The following FHIT variants were observed in gnomAD, a reference collection of about 807,000 sequenced individuals.
The protein encoded by FHIT is bis(5'-adenosyl)-triphosphatase.
Under a neutral mutation model 17.9 loss-of-function variants are expected in FHIT, and 19 were observed. The ratio of observed to expected loss-of-function variants is 1.06; its 90% confidence interval spans 0.74 to 1.56. The LOEUF is 1.56. FHIT is among the 40% of genes most tolerant of loss of function. The pLI is 0.00. For missense variants in FHIT, 248 were observed against 189.2 expected, an observed-to-expected ratio of 1.31 and a Z score of -1.82; for synonymous variants, 81 against 69.7, an observed-to-expected ratio of 1.16 and a Z score of -0.81.
Position 60,619,170 on chromosome 3 carries a change from TCC to T in FHIT, c.-17-82193_-17-82192del, listed in dbSNP as rs1553677242. 7.7e-3 allele frequency among the ~76,000 whole-genome samples: 1,176 copies of T among 152,326 alleles called. 23 individuals carry two copies. Among genetic ancestry groups the T allele is most frequent in the African/African-American group, 0.026 (1,080 of 41,568 alleles). On this transcript the variant is annotated intron_variant, in intron 4 of 9. Coordinates refer to ENST00000492590, the MANE Select transcript of FHIT (RefSeq NM_002012.4). ...CAATCCTTTAGTATCATGTATTTTTTCCTCTTACAAGAGTAATTACATTTAAA... is the reference window on the plus strand; with the variant it reads ...CAATCCTTTAGTATCATGTATTTTTTTCTTACAAGAGTAATTACATTTAAA...
At chr3:60,480,718 G>A (rs1169910101) in intron 5 of FHIT, among the ~76,000 whole-genome samples, 1 of 152,198 alleles carries the variant, frequency 6.6e-6, no homozygotes, top group Non-Finnish European at 1.5e-5. Flanking sequence ...TCCAGGGCAT[G>A]CTCATGCAGG....
At chr3:60,222,420 C>T (rs1320442835) in intron 5 of FHIT, among the ~76,000 whole-genome samples, 1 of 152,160 alleles carries the variant, frequency 6.6e-6, no homozygotes, top group Non-Finnish European at 1.5e-5. Context: ...TCACTCAATG[C>T]TCTTTTCACC....
At chr3:60,147,583 G>A (rs1484590614) in intron 5 of FHIT, among the ~76,000 whole-genome samples, 1 of 152,040 alleles carries the variant, frequency 6.6e-6, no homozygotes, top group African/African-American at 2.4e-5. Flanking sequence ...TTCACTGCTT[G>A]GTCACAGAAT....
intron 2 of FHIT, among the ~76,000 whole-genome samples, chr3:61,198,144 C>T (rs2038907177): frequency 1.3e-5 from 2 of 151,914 alleles, no homozygotes. Flanking sequence ...AATGAGGGTT[C>T]TGTAGTTGCA....
intron 4 of FHIT, among the ~76,000 whole-genome samples, chr3:60,731,772 G>A (rs546481868): frequency 6.6e-6 from 1 of 152,186 alleles, no homozygotes; most frequent in Admixed American, 6.5e-5. Context: ...GTTCCCTGGT[G>A]CCAGCTGCAA....
At chr3:60,121,522 C>T (rs1048068334) in intron 5 of FHIT, among the ~76,000 whole-genome samples, 1 of 151,832 alleles carries the variant, frequency 6.6e-6, no homozygotes, top group African/African-American at 2.4e-5. Flanking sequence ...CCCATCTCTA[C>T]CAAACATAAA....
rs2108088905 is a variant in FHIT at position 60,778,067 on chromosome 3, A to G, written c.-18+43852T>C. Among the ~76,000 whole-genome samples the G allele has an allele frequency of 1.3e-5, 2 of 152,316 alleles. 1 individual carries two copies. Among genetic ancestry groups the G allele is most frequent in the South Asian group, 4.1e-4 (2 of 4,826 alleles). On this transcript the variant is annotated intron_variant, in intron 4 of 9. Transcript: ENST00000492590. ...AGAATTATTTGACATGTTTAGGTAC[A>G]TGGGATTGCCAAAATGATGCTCAAT...
At chr3:61,221,318 G>A (rs576067531) in intron 1 of FHIT, among the ~76,000 whole-genome samples, 1 of 152,172 alleles carries the variant, frequency 6.6e-6, no homozygotes, top group African/African-American at 2.4e-5. Flanking sequence ...GTTCCCAATA[G>A]CACAGGTCCT....
At chr3:60,489,597 T>A (rs931573828) in intron 5 of FHIT, among the ~76,000 whole-genome samples, 1 of 152,328 alleles carries the variant, frequency 6.6e-6, no homozygotes, top group African/African-American at 2.4e-5. Flanking sequence ...TACACCATGC[T>A]ACTGCTCACT....
chr3:60,489,215 G>A (rs940217110), intron 5 of FHIT, among the ~76,000 whole-genome samples: 14 of 152,192 alleles, frequency 9.2e-5, no homozygotes, highest in African/African-American at 3.4e-4. Context: ...TTACTCAGAG[G>A]CATCAATCCT....
chr3:60,589,197 C>G (rs782736066), intron 4 of FHIT, among the ~76,000 whole-genome samples: 1 of 151,832 alleles, frequency 6.6e-6, no homozygotes, highest in Admixed American at 6.6e-5. Context: ...AAAGTATAAC[C>G]CAATGTAAGC....
intron 8 of FHIT, among the ~76,000 whole-genome samples, chr3:59,774,225 C>T (rs1702202461): frequency 6.6e-6 from 1 of 152,196 alleles, no homozygotes; most frequent in Non-Finnish European, 1.5e-5. Flanking sequence ...AACACAGTCA[C>T]ACTCACTCAT....
intron 5 of FHIT, among the ~76,000 whole-genome samples, chr3:60,057,361 G>C (rs535560426): frequency 6.6e-6 from 1 of 152,238 alleles, no homozygotes; most frequent in African/African-American, 2.4e-5. Context: ...GCTTTGATGT[G>C]CCACCAACAA....
intron 4 of FHIT, among the ~76,000 whole-genome samples, chr3:60,574,905 G>A (rs2037514314): frequency 1.3e-5 from 2 of 149,916 alleles, no homozygotes; most frequent in Admixed American, 1.3e-4. Flanking sequence ...ATAGCCCTTT[G>A]CACACTGTGT....
intron 3 of FHIT, among the ~76,000 whole-genome samples, chr3:60,970,741 A>T (rs1709970411): frequency 6.6e-6 from 1 of 152,048 alleles, no homozygotes; most frequent in Non-Finnish European, 1.5e-5. Context: ...ATCCACTCTC[A>T]TTCTACCTGT....
intron 5 of FHIT, among the ~76,000 whole-genome samples, chr3:60,386,432 A>G (rs1701015090): frequency 6.6e-6 from 1 of 152,180 alleles, no homozygotes. Flanking sequence ...TTCACCTCAC[A>G]ATATCTATAA....
chr3:59,927,687 T>A (rs1021227727), intron 7 of FHIT, among the ~76,000 whole-genome samples: 10 of 152,080 alleles, frequency 6.6e-5, no homozygotes, highest in Admixed American at 5.2e-4. Flanking sequence ...GAGAATCGCT[T>A]GAACCCGGGA....
At chr3:60,556,486 T>C (rs570713611) in intron 4 of FHIT, among the ~76,000 whole-genome samples, 1 of 152,294 alleles carries the variant, frequency 6.6e-6, no homozygotes, top group East Asian at 1.9e-4. Flanking sequence ...GTTGAATACT[T>C]CTAAATGCCC....
intron 5 of FHIT, among the ~76,000 whole-genome samples, chr3:60,221,324 C>A (rs2107533678): frequency 6.6e-6 from 1 of 152,198 alleles, no homozygotes; most frequent in Non-Finnish European, 1.5e-5. Context: ...TAGACAACTT[C>A]ACCAGGAGAA....
Sources: gnomAD v4.1 joint callset for allele counts (sites outside exome capture counted in the v4.1 genomes callset) on GRCh38, gnomAD v4.1.1 for gene constraint, MANE v1.5 for transcripts, NCBI Gene and HGNC (gene_info 2026-07-23, HGNC 2026-07-21) for gene names.